The following CSF2RA variants were observed in gnomAD, a reference collection of about 807,000 sequenced individuals.
CSF2RA encodes the protein colony stimulating factor 2 receptor subunit alpha.
CSF2RA carries 42 observed loss-of-function variants against 51.6 expected under a neutral mutation model. The observed-to-expected ratio is 0.81, with a 90% CI of 0.64 to 1.05. CSF2RA has a LOEUF of 1.05. Among genes scored for constraint, CSF2RA ranks in the 50% least tolerant of loss-of-function variants. The pLI, the probability that CSF2RA is intolerant of heterozygous loss-of-function variation, is 0.00. For synonymous variants in CSF2RA, 222 were observed against 193.0 expected (o/e 1.15, Z -1.24); for missense variants, 530 against 501.1 (o/e 1.06, Z -0.55).
the CSF2RA span, among the ~76,000 whole-genome samples, chrX:1,317,392 C>G: frequency 6.7e-6 from 1 of 149,878 alleles, no homozygotes; most frequent in Non-Finnish European, 1.5e-5. Context: ...GCTGGGATGA[C>G]AGGCATGCAC....
intron 10 of CSF2RA, among the ~76,000 whole-genome samples, chrX:1,301,331 C>CA (rs1156943650): frequency 0.33 from 20,924 of 62,596 alleles, 3,812 homozygotes; most frequent in East Asian, 0.38. Context: ...GACTCTGTCT[C>CA]AAAAAAAAAA....
intron 1 of CSF2RA, among the ~76,000 whole-genome samples, chrX:1,269,174 CTGTT>C (rs1200843871): frequency 3.3e-5 from 5 of 152,024 alleles, no homozygotes; most frequent in African/African-American, 1.2e-4. Flanking sequence ...TTCTGTGAAG[CTGTT>C]TGCTGGGAAT....
chrX:1,301,896 G>A (rs1461749192), intron 10 of CSF2RA, among the ~76,000 whole-genome samples: 4 of 132,468 alleles, frequency 3.0e-5, no homozygotes, highest in Non-Finnish European at 4.7e-5. Context: ...GTGAGCCACC[G>A]TGCCCGGCCC....
intron 7 of CSF2RA, among the ~76,000 whole-genome samples, chrX:1,292,337 A>G (rs1324654585): frequency 6.6e-6 from 1 of 152,180 alleles, no homozygotes; most frequent in Non-Finnish European, 1.5e-5. Context: ...GTCAGGTGGG[A>G]CGAGAGACTG....
At chrX:1,300,361 G>C in intron 9 of CSF2RA, 130 bp from the exon 10 acceptor site, 1 of 1,150,696 alleles carries the variant, frequency 8.7e-7, no homozygotes, top group Non-Finnish European at 1.3e-6. Flanking sequence ...CATTCAGAGT[G>C]GTAGAAAAAA....
At chrX:1,271,639 C>T (rs2088446162) in intron 1 of CSF2RA, among the ~76,000 whole-genome samples, 2 of 152,010 alleles carry the variant, frequency 1.3e-5, no homozygotes, top group African/African-American at 4.8e-5. Context: ...GCCTCAGCCT[C>T]CTGGGTAGCT....
chrX:1,284,668 T>C (rs865884364), intron 3 of CSF2RA, among the ~76,000 whole-genome samples: 254 of 125,932 alleles, frequency 2.0e-3, no homozygotes, highest in Middle Eastern at 4.5e-3. Flanking sequence ...TGATTTTTTT[T>C]TTTTTTTTTT....
At chrX:1,314,820 G>GCTCAACCCCACTTCA (rs2084456591), downstream of CSF2RA, among the ~76,000 whole-genome samples, 1 of 42,358 alleles carries the variant, frequency 2.4e-5, no homozygotes, top group South Asian at 8.3e-4. Context: ...ACCCCACTGT[G>GCTCAACCCCACTTCA]CCTGCCCAAC....
At chrX:1,319,938 C>T in the CSF2RA span, among the ~76,000 whole-genome samples, 1 of 149,562 alleles carries the variant, frequency 6.7e-6, no homozygotes, top group East Asian at 2.0e-4. Context: ...CTCTGTCCCC[C>T]AGGCCAGAGT....
chrX:1,305,473 G>A lies in CSF2RA; in HGVS notation c.1071G>A (p.Pro357=), dbSNP rs56960778. Residue 357 remains proline (P), a synonymous_variant, in exon 12 of 13, where the codon CCG becomes CCA. Transcript: ENST00000381529. The stretch of plus-strand genomic sequence containing the variant: ...TCCTTAGGATACAGCGGCTGTTCCC[G>A]CCAGTTCCACAGATCAAAGACAAAC... ...KRFLRIQRLF[P]PVPQIKDKLN... 1,297 of 1,613,898 alleles carry A rather than the reference G, an allele frequency of 8.0e-4. 5 individuals carry two copies. In the African/African-American group the frequency reaches 0.016, roughly 20 times the overall value.
chrX:1,311,945 T>A, downstream of CSF2RA, among the ~76,000 whole-genome samples: 1 of 152,122 alleles, frequency 6.6e-6, no homozygotes, highest in East Asian at 1.9e-4. Context: ...TGCCTCCCTC[T>A]CATAAGGACA....
At chrX:1,311,734 T>G (rs1444736763), downstream of CSF2RA, among the ~76,000 whole-genome samples, 14 of 151,674 alleles carry the variant, frequency 9.2e-5, no homozygotes, top group African/African-American at 3.4e-4. Flanking sequence ...AGCCACCGCG[T>G]CCAGCCAAAT....
chrX:1,302,339 G>T (rs2083075716), intron 10 of CSF2RA, among the ~76,000 whole-genome samples: 1 of 151,980 alleles, frequency 6.6e-6, no homozygotes, highest in African/African-American at 2.4e-5. Context: ...GAAGTATGCG[G>T]TTTTCACCTC....
chrX:1,297,572 C>A (rs2092046597), intron 9 of CSF2RA, among the ~76,000 whole-genome samples: 1 of 62,402 alleles, frequency 1.6e-5, no homozygotes, highest in Non-Finnish European at 3.5e-5. Context: ...TACTCACGAC[C>A]CCTACAGTCT....
chrX:1,295,502 A>G (rs778088895), intron 9 of CSF2RA, 46 bp downstream of exon 9: 2 of 1,563,082 alleles, frequency 1.3e-6, no homozygotes, highest in Admixed American at 3.5e-5. Context: ...GCGTAACCCT[A>G]CGGTCCCCTA....
intron 2 of CSF2RA, among the ~76,000 whole-genome samples, chrX:1,280,616 C>CCTCCTTCTATTCTTCCTCCTCCTT (rs2089785855): frequency 6.6e-6 from 1 of 151,712 alleles, no homozygotes; most frequent in Non-Finnish European, 1.5e-5. Context: ...TGTAGCTCCT[C>CCTCCTTCTATTCTTCCTCCTCCTT]CTCCTTCTCT....
chrX:1,286,441 C>T (rs1417538802), intron 4 of CSF2RA, among the ~76,000 whole-genome samples: 1 of 148,012 alleles, frequency 6.8e-6, no homozygotes, highest in Non-Finnish European at 1.5e-5. Context: ...TGGTGGCAGG[C>T]ATCTGTAATC....
At position 1,295,676 on chromosome X, in the gene CSF2RA, G is replaced by A. The variant is rs749791363; in HGVS notation, c.810+220G>A. ...CAGTCCCCTACTGACGACCTCCAGC[G>A]TAACCCTACAGTCCCCTACTCACCA... On this transcript the variant is annotated intron_variant, in intron 9 of 12. Transcript: ENST00000381529. 159 of 604,570 alleles carry A rather than the reference G, an allele frequency of 2.6e-4. 3 individuals carry two copies. The highest frequency in any genetic ancestry group is 2.5e-3 in the South Asian group (141 of 55,540). The allele number at this position is 604,570 out of a possible 1,614,324, so 37.5% of individuals were successfully genotyped here. A position where few individuals can be genotyped will look rare whatever the true frequency, so the allele number is the denominator to read the frequency against.
At chrX:1,305,419 T>C (rs771928039) in intron 11 of CSF2RA, 27 bp from the exon 12 acceptor site, 1 of 1,613,762 alleles carries the variant, frequency 6.2e-7, no homozygotes, top group East Asian at 2.2e-5. Flanking sequence ...GGGTTCATTC[T>C]CTTCACACTT....
Sources: gnomAD v4.1 joint callset for allele counts (sites outside exome capture counted in the v4.1 genomes callset) on GRCh38, gnomAD v4.1.1 for gene constraint, MANE v1.5 for transcripts, NCBI Gene and HGNC (gene_info 2026-07-23, HGNC 2026-07-21) for gene names.